CHST8: variants seen among roughly 807,000 people sequenced by gnomAD.
CHST8 encodes the protein carbohydrate sulfotransferase 8, also known as GALNAC-4-ST1.
A neutral mutation model predicts 15.0 loss-of-function variants in CHST8; 10 were observed. The ratio of observed to expected loss-of-function variants is 0.67; its 90% confidence interval spans 0.41 to 1.13. The LOEUF (loss-of-function observed/expected upper bound fraction) is 1.13, where lower values mean the gene tolerates loss of function less well. Ranked by LOEUF, CHST8 falls within the 50% of genes most tolerant of loss-of-function variation. CHST8 has a pLI of 0.00. For missense variants in CHST8, 634 were observed against 608.2 expected (o/e 1.04, Z -0.45); for synonymous variants, 259 against 256.6 (o/e 1.01, Z -0.09).
intron 1 of CHST8, among the ~76,000 whole-genome samples, chr19:33,650,353 T>G (rs1972420074): frequency 1.3e-5 from 2 of 152,086 alleles, no homozygotes; most frequent in Admixed American, 1.3e-4. Flanking sequence ...TTCAGATCCT[T>G]TGCCCATAAA....
intron 3 of CHST8, among the ~76,000 whole-genome samples, chr19:33,752,296 C>T (rs1032876546): frequency 1.3e-5 from 2 of 152,222 alleles, no homozygotes; most frequent in Admixed American, 6.5e-5. Flanking sequence ...ACTCGACCCA[C>T]GCGTGAGCCA....
intron 3 of CHST8, among the ~76,000 whole-genome samples, chr19:33,699,314 G>A (rs182103654): frequency 6.6e-6 from 1 of 152,306 alleles, no homozygotes; most frequent in East Asian, 1.9e-4. Context: ...CAAGGAAGGA[G>A]GTTATCCAGG....
intron 3 of CHST8, among the ~76,000 whole-genome samples, chr19:33,758,396 T>G (rs1273893101): frequency 6.6e-6 from 1 of 152,108 alleles, no homozygotes; most frequent in Non-Finnish European, 1.5e-5. Context: ...TAGGCAGCCC[T>G]TTGCAGTCTG....
At chr19:33,771,753 G>T (rs559386868) in intron 4 of CHST8, among the ~76,000 whole-genome samples, 1 of 152,086 alleles carries the variant, frequency 6.6e-6, no homozygotes, top group South Asian at 2.1e-4. Context: ...TCTTGTGGCC[G>T]AAATGACACT....
chr19:33,708,952 T>G (rs566254591), intron 3 of CHST8, among the ~76,000 whole-genome samples: 89 of 152,364 alleles, frequency 5.8e-4, no homozygotes, highest in African/African-American at 2.1e-3. Context: ...CTTTCTTTAG[T>G]TAAATTTATT....
At chr19:33,706,804 C>T (rs990973419) in intron 3 of CHST8, among the ~76,000 whole-genome samples, 1 of 152,176 alleles carries the variant, frequency 6.6e-6, no homozygotes, top group African/African-American at 2.4e-5. Context: ...ATCAACTGTG[C>T]GCGTCAAGCG....
chr19:33,649,488 G>A (rs997934963), intron 1 of CHST8, among the ~76,000 whole-genome samples: 1 of 152,184 alleles, frequency 6.6e-6, no homozygotes, highest in Non-Finnish European at 1.5e-5. Context: ...GGAGGGCAGG[G>A]TGGAACAGGA....
intron 1 of CHST8, among the ~76,000 whole-genome samples, chr19:33,642,676 A>G (rs1391083218): frequency 6.6e-6 from 1 of 152,206 alleles, no homozygotes; most frequent in African/African-American, 2.4e-5. Flanking sequence ...AGTCTTAAAG[A>G]TTCCCTGCGG....
At chr19:33,700,743 G>T (rs981920478) in intron 3 of CHST8, among the ~76,000 whole-genome samples, 1 of 152,198 alleles carries the variant, frequency 6.6e-6, no homozygotes, top group Non-Finnish European at 1.5e-5. Context: ...GGGCAGAGAG[G>T]GTGGCCAGAG....
intron 3 of CHST8, among the ~76,000 whole-genome samples, chr19:33,714,585 T>A (rs1434435684): frequency 1.3e-5 from 2 of 151,884 alleles, no homozygotes; most frequent in African/African-American, 4.9e-5. Context: ...AGCCTGGACT[T>A]CACCACTAAT....
At chr19:33,672,895 A>G (rs1286848732) in intron 2 of CHST8, among the ~76,000 whole-genome samples, 1 of 152,212 alleles carries the variant, frequency 6.6e-6, no homozygotes, top group Non-Finnish European at 1.5e-5. Context: ...GGCTGAGTTC[A>G]GGGACCTGGA....
At chr19:33,676,075 G>A (rs999674224) in intron 2 of CHST8, among the ~76,000 whole-genome samples, 2 of 151,438 alleles carry the variant, frequency 1.3e-5, no homozygotes, top group Non-Finnish European at 3.0e-5. Flanking sequence ...GATCACTTGA[G>A]TCCTCTTTCA....
chr19:33,700,209 A>G (rs1388555109), intron 3 of CHST8, among the ~76,000 whole-genome samples: 1 of 152,238 alleles, frequency 6.6e-6, no homozygotes, highest in Non-Finnish European at 1.5e-5. Flanking sequence ...ACCATTTTCT[A>G]ACGGCATTGC....
chr19:33,750,814 G>A (rs563491373), intron 3 of CHST8, among the ~76,000 whole-genome samples: 3,227 of 152,152 alleles, frequency 0.021, 55 homozygotes, highest in East Asian at 0.029. Context: ...TCCTGGCTGG[G>A]GCATCTGATA....
At chr19:33,661,647 G>A (rs950571857) in intron 1 of CHST8, among the ~76,000 whole-genome samples, 18 of 152,142 alleles carry the variant, frequency 1.2e-4, no homozygotes, top group African/African-American at 2.4e-4. Context: ...CCCACTGCAC[G>A]GGGGACCCTT....
intron 1 of CHST8, among the ~76,000 whole-genome samples, chr19:33,636,386 A>C (rs551632147): frequency 6.6e-6 from 1 of 152,312 alleles, no homozygotes; most frequent in Non-Finnish European, 1.5e-5. Context: ...ACTCGTAAAC[A>C]ACCTGGCGGC....
chr19:33,758,907 C>G (rs1974659926), intron 3 of CHST8, among the ~76,000 whole-genome samples: 1 of 151,356 alleles, frequency 6.6e-6, no homozygotes, highest in African/African-American at 2.5e-5. Context: ...CCCCAGCATC[C>G]ACTTGGTTTC....
intron 2 of CHST8, among the ~76,000 whole-genome samples, chr19:33,686,472 C>A (rs62103463): frequency 1.3e-5 from 2 of 152,128 alleles, no homozygotes; most frequent in Non-Finnish European, 2.9e-5. Flanking sequence ...AAGAGAGGAC[C>A]GGCCAGCTCT....
intron 3 of CHST8, among the ~76,000 whole-genome samples, chr19:33,740,213 G>T (rs1156834125): frequency 6.6e-6 from 1 of 152,104 alleles, no homozygotes; most frequent in Non-Finnish European, 1.5e-5. Flanking sequence ...TCCCTCCAAG[G>T]CTACATCACT....
Sources: allele counts gnomAD v4.1 joint callset (sites outside exome capture counted in the v4.1 genomes callset), GRCh38; gene constraint gnomAD v4.1.1; transcripts MANE v1.5; gene names NCBI Gene and HGNC (gene_info 2026-07-23, HGNC 2026-07-21).